Variants in DNAJC27 observed in about 807,000 individuals in gnomAD.
DNAJC27 encodes DnaJ heat shock protein family (Hsp40) member C27.
DNAJC27 carries 25 observed loss-of-function variants against 31.4 expected under a neutral mutation model. The ratio of observed to expected loss-of-function variants is 0.80; its 90% confidence interval spans 0.58 to 1.11. The LOEUF is 1.11. DNAJC27 is among the 50% of genes most tolerant of loss of function. The pLI is 0.00. For synonymous variants in DNAJC27, 106 were observed against 112.7 expected (o/e 0.94, Z 0.37); for missense variants, 356 against 347.3 (o/e 1.02, Z -0.20).
Position 24,957,036 on chromosome 2 carries a change from A to T in DNAJC27, c.528+7T>A. On this transcript the variant is annotated splice_region_variant and intron_variant, in intron 5 of 6. Coordinates refer to ENST00000264711, the MANE Select transcript of DNAJC27 (RefSeq NM_016544.3). ...ACAAACCTTAAAACAACAAAATGCT[A>T]GCTTACCTGGAACATCTCATTAATG... is the stretch of plus-strand genomic sequence containing the variant. 6.2e-7 allele frequency: 1 copy of T among 1,604,934 alleles called. No homozygotes were observed. The highest frequency in any genetic ancestry group is 8.5e-7 in the Non-Finnish European group (1 of 1,177,046).
rs374617085 is a variant in DNAJC27, at chr2:24,967,310, T to A, written c.88-17A>T. On this transcript the variant is annotated splice_polypyrimidine_tract_variant and intron_variant, in intron 1 of 6. Transcript: ENST00000264711. ...AATACAGCTCTAAAAAGGTAAAAAA[T>A]ACAGGCATTTAGTAAATACATAGTG... 1 of 1,527,438 alleles carries A rather than the reference T, an allele frequency of 6.5e-7. No homozygotes were observed. The allele number at this position is 1,527,438 out of a possible 1,614,324, so 94.6% of individuals were successfully genotyped here. A position where few individuals can be genotyped will look rare whatever the true frequency, so the allele number is the denominator to read the frequency against.
chr2:24,952,093 G>T (rs186639167), intron 5 of DNAJC27, among the ~76,000 whole-genome samples: 1 of 152,288 alleles, frequency 6.6e-6, no homozygotes, highest in Admixed American at 6.5e-5. Flanking sequence ...CAGCCTGGGT[G>T]ACAGAGCCAG....
rs143054475 is a variant in DNAJC27, at chr2:24,961,652, T to A, written c.240+1753A>T. On this transcript the variant is annotated intron_variant, in intron 3 of 6. Transcript: ENST00000264711. ...TGATTCCAACCCTTACAGATAACTC[T>A]GTGGGAGTTCAAGACATCAGTGGAG... Among the ~76,000 whole-genome samples the A allele has an allele frequency of 2.9e-3, 441 of 152,128 alleles. 6 individuals are homozygous for A. The highest frequency in any genetic ancestry group is 4.2e-3 in the Non-Finnish European group (283 of 68,014).
chr2:24,954,985 A>G (rs1665871252), intron 5 of DNAJC27, among the ~76,000 whole-genome samples: 1 of 152,202 alleles, frequency 6.6e-6, no homozygotes, highest in East Asian at 1.9e-4. Flanking sequence ...AAAAGAATCT[A>G]GAGTCTCTAC....
chr2:24,957,363 C>T (rs1284971599), intron 4 of DNAJC27, among the ~76,000 whole-genome samples, 198 bp from the exon 5 acceptor site: 2 of 152,162 alleles, frequency 1.3e-5, no homozygotes, highest in African/African-American at 4.8e-5. Flanking sequence ...TCTATGGCAA[C>T]AGGACTAGTG....
At position 24,971,812 on chromosome 2, in the gene DNAJC27, A is replaced by G. The variant is rs1317541673; in HGVS notation, c.87+6T>C. The stretch of plus-strand genomic sequence containing the variant: ...GGGCCCGCCCCTCCCGGCTCGCTGT[A>G]CTCACTTTCCCCACTTCGGCGTTGC... On this transcript the variant is annotated splice_donor_region_variant and intron_variant, in intron 1 of 6. Transcript: ENST00000264711. The G allele has an allele frequency of 6.2e-7, 1 of 1,604,244 alleles. No individual in the cohort carries two copies.
intron 1 of DNAJC27, among the ~76,000 whole-genome samples, chr2:24,971,231 G>A (rs1032552657): frequency 6.6e-6 from 1 of 152,148 alleles, no homozygotes; most frequent in Non-Finnish European, 1.5e-5. Flanking sequence ...AAGGGCGGTG[G>A]AACTAACAGA....
intron 1 of DNAJC27, among the ~76,000 whole-genome samples, chr2:24,967,700 TAA>T (rs565339788): frequency 1.8e-4 from 24 of 132,800 alleles, no homozygotes; most frequent in Admixed American, 2.3e-4. Context: ...AACGCTTGTC[TAA>T]AAAAAAAAAA....
chr2:24,970,320 C>T (rs1666296472), intron 1 of DNAJC27, among the ~76,000 whole-genome samples: 1 of 152,094 alleles, frequency 6.6e-6, no homozygotes, highest in African/African-American at 2.4e-5. Context: ...ATTTTACCTT[C>T]TCTTTTCTAA....
chr2:24,957,206 C>T lies in DNAJC27; in HGVS notation c.406-41G>A, dbSNP rs372627054. On this transcript the variant is annotated intron_variant, in intron 4 of 6. Transcript: ENST00000264711. ...CGGGGGACAGAGAGAAGATTACAAT[C>T]TTGTCCTACTAGAATGGACCCAGTG... The T allele has an allele frequency of 2.6e-6, 4 of 1,549,672 alleles. No individual in the cohort carries two copies. The African/African-American group carries it at 5.6e-5, about 22-fold the overall frequency.
intron 6 of DNAJC27, among the ~76,000 whole-genome samples, chr2:24,948,676 C>T (rs2149119957): frequency 6.6e-6 from 1 of 152,330 alleles, no homozygotes; most frequent in African/African-American, 2.4e-5. Flanking sequence ...GGCTTCTGAG[C>T]TCCTCAAAGA....
chr2:24,952,031 T>TTGAGCCCAGGAAGTGAAGGCTGCAG (rs1259903323), intron 5 of DNAJC27, among the ~76,000 whole-genome samples: 2 of 152,124 alleles, frequency 1.3e-5, no homozygotes, highest in African/African-American at 4.8e-5. Flanking sequence ...CGGAGGATGC[T>TTGAGCCCAGGAAGTGAAGGCTGCAG]TGAGCCCAGG....
chr2:24,952,920 A>AT (rs1383348052), intron 5 of DNAJC27, among the ~76,000 whole-genome samples: 5 of 151,134 alleles, frequency 3.3e-5, no homozygotes, highest in South Asian at 2.1e-4. Flanking sequence ...CATTTTTACA[A>AT]TTTTTTTTCT....
In DNAJC27 at chr2:24,946,331, A is replaced by G. The variant is rs1172294; in HGVS notation, c.*1285T>C. The G allele has an allele frequency of 0.57, 86,934 of 152,234 alleles. 27,775 individuals carry two copies. The highest frequency in any genetic ancestry group is 0.88 in the African/African-American group (36,358 of 41,540). The allele number at this position is 152,234 out of a possible 1,614,324, so 9.4% of individuals were successfully genotyped here. ...CCCAAAGGATCCACACTTGCCTCTG[A>G]TCAACCAGATTCAGGCCAAGGCTTA... On this transcript the variant is annotated 3_prime_UTR_variant, in exon 7 of 7. Coordinates refer to ENST00000264711, the MANE Select transcript of DNAJC27 (RefSeq NM_016544.3).
intron 3 of DNAJC27, among the ~76,000 whole-genome samples, chr2:24,962,730 G>A (rs1342496948): frequency 6.6e-6 from 1 of 152,102 alleles, no homozygotes; most frequent in Non-Finnish European, 1.5e-5. Context: ...AAAGGAAAAA[G>A]TCTCAAATCA....
At chr2:24,951,076 C>G (rs1006632480) in intron 6 of DNAJC27, among the ~76,000 whole-genome samples, 1 of 152,204 alleles carries the variant, frequency 6.6e-6, no homozygotes, top group Non-Finnish European at 1.5e-5. Context: ...CTTTCCTCCT[C>G]TAACATTCTA....
intron 1 of DNAJC27, chr2:24,969,485 T>A (rs899359381): frequency 2.1e-4 from 35 of 168,852 alleles, no homozygotes; most frequent in Non-Finnish European, 2.7e-4. Context: ...TGAAAAAAAA[T>A]TTTTTTTTTC....
At chr2:24,957,712 T>C in intron 4 of DNAJC27, 98 bp downstream of exon 4, 1 of 1,164,682 alleles carries the variant, frequency 8.6e-7, no homozygotes, top group Non-Finnish European at 1.2e-6. Flanking sequence ...GATTTCCATA[T>C]TACACAATAA....
At chr2:24,953,786 T>C (rs919225129) in intron 5 of DNAJC27, among the ~76,000 whole-genome samples, 1 of 152,186 alleles carries the variant, frequency 6.6e-6, no homozygotes, top group Non-Finnish European at 1.5e-5. Context: ...ATCACACACA[T>C]GGTTATAGGA....
Sources: allele counts gnomAD v4.1 joint callset (sites outside exome capture counted in the v4.1 genomes callset), GRCh38; gene constraint gnomAD v4.1.1; transcripts MANE v1.5; gene names NCBI Gene and HGNC (gene_info 2026-07-23, HGNC 2026-07-21).